Variants in CTNNBL1 observed in about 807,000 individuals in gnomAD.
CTNNBL1 encodes the protein beta-catenin-like protein 1.
CTNNBL1 carries 31 observed loss-of-function variants against 72.7 expected under a neutral mutation model. The observed-to-expected ratio is 0.43, with a 90% CI of 0.32 to 0.58. The LOEUF is 0.58. Among genes scored for constraint, CTNNBL1 ranks in the 20% least tolerant of loss-of-function variants. CTNNBL1 has a pLI of 0.08. For missense variants in CTNNBL1, 534 were observed against 725.1 expected, an observed-to-expected ratio of 0.74 and a Z score of 3.03; for synonymous variants, 240 against 267.3, an observed-to-expected ratio of 0.90 and a Z score of 1.00.
intron 5 of CTNNBL1, among the ~76,000 whole-genome samples, chr20:37,761,774 G>A (rs777960201): frequency 6.6e-6 from 1 of 152,230 alleles, no homozygotes; most frequent in Non-Finnish European, 1.5e-5. Context: ...TAGAGTAGCT[G>A]GGAAGTCAGG....
At chr20:37,840,258 G>A (rs2122812454) in intron 12 of CTNNBL1, 59 bp downstream of exon 12, 1 of 1,253,884 alleles carries the variant, frequency 8.0e-7, no homozygotes, top group South Asian at 1.2e-5. Flanking sequence ...CTCTTTACCT[G>A]ATGTGATCTG....
chr20:37,812,884 C>T (rs2072024412), intron 11 of CTNNBL1, among the ~76,000 whole-genome samples: 1 of 152,176 alleles, frequency 6.6e-6, no homozygotes, highest in Non-Finnish European at 1.5e-5. Context: ...ACAGGAGGGG[C>T]TCCCTGTCCA....
chr20:37,768,564 C>T (rs1040800813), intron 7 of CTNNBL1, among the ~76,000 whole-genome samples: 3 of 152,180 alleles, frequency 2.0e-5, no homozygotes, highest in Non-Finnish European at 4.4e-5. Context: ...GCTGTGAATA[C>T]AGTAGTCCCC....
At chr20:37,799,591 T>C (rs1022437701) in intron 10 of CTNNBL1, among the ~76,000 whole-genome samples, 12 of 152,208 alleles carry the variant, frequency 7.9e-5, no homozygotes, top group Non-Finnish European at 1.8e-4. Context: ...TCTCCTCTTC[T>C]CATCATCTTG....
intron 11 of CTNNBL1, among the ~76,000 whole-genome samples, chr20:37,835,848 C>T (rs1251100479): frequency 2.0e-5 from 3 of 151,816 alleles, no homozygotes; most frequent in Admixed American, 6.6e-5. Flanking sequence ...GTGTGGGTGC[C>T]GATATGGAAA....
rs6013121 is a variant in CTNNBL1 at position 37,809,875 on chromosome 20, A to G, written c.1213+6827A>G. ...GAATGAATAAATGAATTTATTTAAC[A>G]TCTTTATATCATGTACTGGCTATAA... On this transcript the variant is annotated intron_variant, in intron 11 of 15. Transcript: ENST00000361383. Among the ~76,000 whole-genome samples the G allele has an allele frequency of 3.0e-3, 460 of 152,328 alleles. 4 individuals carry two copies. The highest frequency in any genetic ancestry group is 9.9e-3 in the African/African-American group (411 of 41,562).
At chr20:37,764,135 C>CA (rs1280864626) in intron 5 of CTNNBL1, among the ~76,000 whole-genome samples, 2 of 152,148 alleles carry the variant, frequency 1.3e-5, no homozygotes, top group African/African-American at 4.8e-5. Flanking sequence ...AGGGTAAGGC[C>CA]TGTTACATAT....
rs187622727 is a variant in CTNNBL1 at position 37,733,080 on chromosome 20, C to T, written c.219+13C>T. ...GGAAGAGGAAGAGGTAACGTGGCAG[C>T]GCTGGGTGGGAGCTGAGATGGCTGG... is the stretch of plus-strand genomic sequence containing the variant. On this transcript the variant is annotated intron_variant, in intron 2 of 15. Coordinates refer to ENST00000361383, the MANE Select transcript of CTNNBL1 (RefSeq NM_030877.5). 1.9e-3 allele frequency: 3,102 copies of T among 1,609,714 alleles called. 8 individuals carry two copies. The highest frequency in any genetic ancestry group is 2.4e-3 in the Non-Finnish European group (2,854 of 1,178,290).
At chr20:37,870,792 T>C (rs1362752874) in intron 15 of CTNNBL1, among the ~76,000 whole-genome samples, 1 of 152,158 alleles carries the variant, frequency 6.6e-6, no homozygotes, top group East Asian at 1.9e-4. Context: ...CATCTGGGTA[T>C]GGCCCCTCCC....
chr20:37,735,260 A>T (rs1254805340), intron 2 of CTNNBL1, among the ~76,000 whole-genome samples: 2 of 151,630 alleles, frequency 1.3e-5, no homozygotes, highest in Admixed American at 1.3e-4. Context: ...ATCTTCACTG[A>T]GTACCTGCTG....
chr20:37,798,422 A>G (rs2073797133), intron 10 of CTNNBL1, among the ~76,000 whole-genome samples: 1 of 152,176 alleles, frequency 6.6e-6, no homozygotes, highest in Admixed American at 6.5e-5. Context: ...TTCTGGCGTG[A>G]TCGACAGCCT....
rs182810285 is a variant in CTNNBL1, at chr20:37,825,883, C to T, written c.1214-14219C>T. Among the ~76,000 whole-genome samples, 5 of 152,224 alleles carry T rather than the reference C, an allele frequency of 3.3e-5. No homozygotes were observed. The East Asian group carries it at 9.7e-4, about 29-fold the overall frequency. On this transcript the variant is annotated intron_variant, in intron 11 of 15. Coordinates refer to ENST00000361383, the MANE Select transcript of CTNNBL1 (RefSeq NM_030877.5). ...TCAGTCCACACTGCTGCCATTGTAG[C>T]GATGGGGTTGGTTTCACTGACAAAG...
chr20:37,787,407 G>C (rs980720291), intron 10 of CTNNBL1, among the ~76,000 whole-genome samples: 3 of 149,482 alleles, frequency 2.0e-5, no homozygotes, highest in Non-Finnish European at 3.0e-5. Context: ...TGCAGTGGCG[G>C]GATCTCGGCT....
chr20:37,782,296 T>A (rs1457073120), intron 10 of CTNNBL1, among the ~76,000 whole-genome samples: 1 of 152,150 alleles, frequency 6.6e-6, no homozygotes, highest in Non-Finnish European at 1.5e-5. Flanking sequence ...ACTCAGTGAA[T>A]TTTTTTCCTT....
intron 11 of CTNNBL1, among the ~76,000 whole-genome samples, chr20:37,816,278 T>C (rs2072058234): frequency 6.6e-6 from 1 of 152,198 alleles, no homozygotes; most frequent in African/African-American, 2.4e-5. Flanking sequence ...AGGTCACCAC[T>C]ACGGATGGGG....
At chr20:37,746,205 T>G (rs1325207307) in intron 3 of CTNNBL1, among the ~76,000 whole-genome samples, 1 of 152,166 alleles carries the variant, frequency 6.6e-6, no homozygotes, top group African/African-American at 2.4e-5. Context: ...ACAAAATGCT[T>G]CGGGAGCCTC....
chr20:37,727,311 T>C (rs1215742743), intron 1 of CTNNBL1: 1 of 982,952 alleles, frequency 1.0e-6, no homozygotes, highest in East Asian at 1.1e-4. Flanking sequence ...GGGGCATGGA[T>C]GGAGACACGC....
In CTNNBL1 at chr20:37,842,432, G is replaced by T; in HGVS notation, c.1392+13G>T. ...AGGGGAAAAACACGTATGTATCCCTGCCTCACTTTTGCCAGCTATTGACTT... is the reference window on the plus strand; with the variant it reads ...AGGGGAAAAACACGTATGTATCCCTTCCTCACTTTTGCCAGCTATTGACTT... On this transcript the variant is annotated intron_variant, in intron 13 of 15. Coordinates refer to ENST00000361383, the MANE Select transcript of CTNNBL1 (RefSeq NM_030877.5). 1 of 1,603,134 alleles carries T rather than the reference G, an allele frequency of 6.2e-7. No homozygotes were observed. The highest frequency in any genetic ancestry group is 8.5e-7 in the Non-Finnish European group (1 of 1,170,004).
chr20:37,835,897 T>A (rs1291922804), intron 11 of CTNNBL1, among the ~76,000 whole-genome samples: 1 of 152,086 alleles, frequency 6.6e-6, no homozygotes, highest in Non-Finnish European at 1.5e-5. Context: ...AAATGCAAAA[T>A]TTTCCCCCTG....
Sources: gnomAD v4.1 joint callset for allele counts (sites outside exome capture counted in the v4.1 genomes callset) on GRCh38, gnomAD v4.1.1 for gene constraint, MANE v1.5 for transcripts, NCBI Gene and HGNC (gene_info 2026-07-23, HGNC 2026-07-21) for gene names.